Variants in MYO9B observed in about 807,000 individuals in gnomAD.
The protein encoded by MYO9B is unconventional myosin-IXb.
A neutral mutation model predicts 229.5 loss-of-function variants in MYO9B; 71 were observed. The observed-to-expected ratio is 0.31, with a 90% confidence interval of 0.26 to 0.38. The LOEUF (loss-of-function observed/expected upper bound fraction) is 0.38, where lower values mean the gene tolerates loss of function less well. MYO9B is among the 10% of genes least tolerant of loss of function. MYO9B has a pLI of 1.00. For missense variants in MYO9B, 2,255 were observed against 2,920.5 expected (o/e 0.77, Z 5.25); for synonymous variants, 1,185 against 1,235.8 (o/e 0.96, Z 0.86).
chr19:17,208,552 C>T (rs2073189371), intron 35 of MYO9B, among the ~76,000 whole-genome samples: 2 of 151,800 alleles, frequency 1.3e-5, no homozygotes, highest in African/African-American at 4.8e-5. Context: ...CTGACTCAGC[C>T]TCCCAAGTAG....
intron 3 of MYO9B, among the ~76,000 whole-genome samples, chr19:17,147,910 G>A (rs1007533263): frequency 6.6e-5 from 10 of 150,804 alleles, no homozygotes; most frequent in African/African-American, 1.5e-4. Context: ...TCGAACTCCC[G>A]ACCTCAGGTG....
rs142477964 is a variant in MYO9B at position 17,080,280 on chromosome 19, G to A, written c.-59+4406G>A. Among the ~76,000 whole-genome samples the A allele has an allele frequency of 5.3e-5, 8 of 152,278 alleles. 1 individual carries two copies. The South Asian group carries it at 8.3e-4, about 16-fold the overall frequency. Reference sequence around the variant, plus strand: ...TTGCTAGGGCTGCTGTAACAGAACCGCACGCTGGGTGGCCAGAACGACAGA... The same window carrying A: ...TTGCTAGGGCTGCTGTAACAGAACCACACGCTGGGTGGCCAGAACGACAGA... On this transcript the variant is annotated intron_variant, in intron 1 of 39. Transcript: ENST00000682292.
At position 17,198,298 on chromosome 19, in the gene MYO9B, G is replaced by A; in HGVS notation, c.4228G>A (p.Val1410Ile). 1 of 1,613,836 alleles carries A rather than the reference G, an allele frequency of 6.2e-7. No homozygotes were observed. The highest frequency in any genetic ancestry group is 8.5e-7 in the Non-Finnish European group (1 of 1,179,890). Reference sequence around the variant, plus strand: ...CGCAGGGCTGTCCCCGGGCTCTCAGGTCGACTCTAAGTAAGTATTGGGCTT... The same window carrying A: ...CGCAGGGCTGTCCCCGGGCTCTCAGATCGACTCTAAGTAAGTATTGGGCTT... ...PDAGLSPGSQ[V>I]DSKSTFKRLF... is the part of the protein sequence containing the mutation. Residue 1410 changes from valine (V) to isoleucine (I), a missense_variant, in exon 24 of 40, where the codon GTC (valine) becomes ATC (isoleucine). By Grantham distance (29) the Val-to-Ile change is conservative. Transcript: ENST00000682292.
chr19:17,172,647 C>G lies in MYO9B; in HGVS notation c.1936-112C>G. On this transcript the variant is annotated intron_variant, in intron 12 of 39. Transcript: ENST00000682292. The surrounding 1 kb of genome is among the most constrained non-coding windows in gnomAD (Gnocchi z 8.2). Reference sequence around the variant, plus strand: ...CATAGTTCAAGAACTGCCATTTGCACTTAGGATGGGCCCCACCCCACCGTC... The same window carrying G: ...CATAGTTCAAGAACTGCCATTTGCAGTTAGGATGGGCCCCACCCCACCGTC... 6.7e-7 allele frequency: 1 copy of G among 1,481,900 alleles called. No individual in the cohort carries two copies. Among genetic ancestry groups the G allele is most frequent in the South Asian group, 1.2e-5 (1 of 83,356 alleles). The allele number at this position is 1,481,900 out of a possible 1,614,324, so 91.8% of individuals were successfully genotyped here. A position where few individuals can be genotyped will look rare whatever the true frequency, so the allele number is the denominator to read the frequency against.
At chr19:17,136,333 C>T (rs750737616) in intron 2 of MYO9B, among the ~76,000 whole-genome samples, 7 of 152,156 alleles carry the variant, frequency 4.6e-5, no homozygotes, top group South Asian at 2.1e-4. Context: ...GTCAGTGCCT[C>T]GAGACTGGGG....
intron 2 of MYO9B, among the ~76,000 whole-genome samples, chr19:17,141,931 C>T (rs778388909): frequency 1.1e-4 from 17 of 152,170 alleles, no homozygotes; most frequent in Non-Finnish European, 2.2e-4. Flanking sequence ...CATCACAGCC[C>T]TTTCGGAGGC....
intron 1 of MYO9B, among the ~76,000 whole-genome samples, chr19:17,083,026 C>CTTT (rs71334657): frequency 0.012 from 1,064 of 90,706 alleles, 26 homozygotes; most frequent in Middle Eastern, 0.021. Flanking sequence ...GTGAATCTTG[C>CTTT]TTTTTTTTTT....
intron 11 of MYO9B, among the ~76,000 whole-genome samples, chr19:17,171,212 G>A (rs552756565): frequency 7.9e-5 from 12 of 152,252 alleles, no homozygotes; most frequent in African/African-American, 2.6e-4. Flanking sequence ...CATGCGTTCC[G>A]CTGCCTGTAT....
chr19:17,162,857 C>A, intron 9 of MYO9B, 131 bp from the exon 10 acceptor site: 1 of 1,033,094 alleles, frequency 9.7e-7, no homozygotes, highest in Non-Finnish European at 1.4e-6. Flanking sequence ...CTGGTAATGG[C>A]AAAGTGTTCT....
At chr19:17,126,852 CG>C (rs2072124487) in intron 2 of MYO9B, among the ~76,000 whole-genome samples, 1 of 146,894 alleles carries the variant, frequency 6.8e-6, no homozygotes, top group Non-Finnish European at 1.5e-5. Context: ...TTAATAGAGA[CG>C]GGGTTTCACC....
intron 18 of MYO9B, among the ~76,000 whole-genome samples, chr19:17,186,876 G>A (rs929800071): frequency 6.6e-6 from 1 of 151,918 alleles, no homozygotes; most frequent in Non-Finnish European, 1.5e-5. Flanking sequence ...GATTACAGGT[G>A]CCCACCACGC....
chr19:17,141,891 C>T (rs1289556446), intron 2 of MYO9B, among the ~76,000 whole-genome samples: 4 of 152,306 alleles, frequency 2.6e-5, no homozygotes, highest in South Asian at 2.1e-4. Context: ...AGGAATGAAA[C>T]ATTGATTACA....
intron 1 of MYO9B, chr19:17,099,275 GA>G (rs71334663): frequency 6.7e-4 from 90 of 133,984 alleles, no homozygotes; most frequent in East Asian, 1.5e-3. Context: ...TCCATCTCAA[GA>G]AAAAAAAAAA....
intron 19 of MYO9B, among the ~76,000 whole-genome samples, chr19:17,189,839 G>C (rs909540223): frequency 1.5e-4 from 22 of 151,672 alleles, no homozygotes; most frequent in Admixed American, 1.4e-3. Context: ...TGAGGCGGGC[G>C]GATCACGAGG....
chr19:17,078,964 C>T (rs190059232), intron 1 of MYO9B, among the ~76,000 whole-genome samples: 1 of 152,298 alleles, frequency 6.6e-6, no homozygotes, highest in East Asian at 1.9e-4. Context: ...TCTCCAGGGC[C>T]GTTTCTCACC....
intron 7 of MYO9B, among the ~76,000 whole-genome samples, chr19:17,158,114 A>G (rs976414607): frequency 6.6e-6 from 1 of 152,198 alleles, no homozygotes; most frequent in African/African-American, 2.4e-5. Flanking sequence ...CCCAATGGCA[A>G]AGAATTATCC....
At chr19:17,090,461 T>C (rs570796958) in intron 1 of MYO9B, among the ~76,000 whole-genome samples, 2 of 152,358 alleles carry the variant, frequency 1.3e-5, no homozygotes, top group Admixed American at 1.3e-4. Context: ...TTCATTCCTT[T>C]TTATGGCCAA....
Position 17,168,018 on chromosome 19 carries a change from A to G in MYO9B, c.1747A>G (p.Ser583Gly). ...TDNVGCIHLI[S>G]KKPTGLFYLL... is the part of the protein sequence containing the mutation. ...CAATGTCGGCTGCATCCATCTCATC[A>G]GCAAGAAACCCACGGGCCTCTTCTA... is the stretch of plus-strand genomic sequence containing the variant. Residue 583 changes from serine to glycine, a missense_variant, in exon 11 of 40, where the codon AGC becomes GGC. Ser to Gly is a moderately conservative substitution (Grantham distance 56). This residue lies in a region of MYO9B where 220 missense variants were observed against 404.5 expected (regional missense o/e 0.54). Transcript: ENST00000682292. 4 of 1,611,922 alleles carry G rather than the reference A, an allele frequency of 2.5e-6. No individual in the cohort carries two copies. The highest frequency in any genetic ancestry group is 3.4e-6 in the Non-Finnish European group (4 of 1,179,194).
intron 2 of MYO9B, among the ~76,000 whole-genome samples, chr19:17,132,840 T>TA (rs1409764961): frequency 9.5e-5 from 14 of 148,006 alleles, no homozygotes; most frequent in Non-Finnish European, 1.2e-4. Flanking sequence ...TTTTATTTCT[T>TA]TTTTATTTAT....
Sources: allele counts gnomAD v4.1 joint callset (sites outside exome capture counted in the v4.1 genomes callset), GRCh38; gene constraint gnomAD v4.1.1; regional missense constraint gnomAD v4.1.1; non-coding constraint Gnocchi (gnomAD v3.1); transcripts MANE v1.5; gene names NCBI Gene and HGNC (gene_info 2026-07-23, HGNC 2026-07-21).